The following HEATR3 variants were observed in gnomAD, a reference collection of about 807,000 sequenced individuals.
HEATR3 encodes HEAT repeat containing 3.
HEATR3 carries 56 observed loss-of-function variants against 72.8 expected under a neutral mutation model. That is an observed-to-expected ratio of 0.77 (90% confidence interval 0.62 to 0.96). The LOEUF (loss-of-function observed/expected upper bound fraction) is 0.96, where lower values mean the gene tolerates loss of function less well. HEATR3 is among the 40% of genes least tolerant of loss of function. The pLI is 0.00. For missense variants in HEATR3, 747 were observed against 831.4 expected (o/e 0.90, Z 1.25); for synonymous variants, 331 against 318.1 (o/e 1.04, Z -0.43).
chr16:50,088,507 C>T (rs1040629640), intron 11 of HEATR3, among the ~76,000 whole-genome samples: 1 of 152,186 alleles, frequency 6.6e-6, no homozygotes, highest in Non-Finnish European at 1.5e-5. Context: ...ATTCCCATTC[C>T]AGGGCAGGAC....
At chr16:50,077,231 C>T (rs997955009) in intron 6 of HEATR3, among the ~76,000 whole-genome samples, 2 of 151,544 alleles carry the variant, frequency 1.3e-5, no homozygotes, top group South Asian at 2.1e-4. Context: ...AGGCTGGTCT[C>T]GAACTCCTGA....
chr16:50,089,773 A>G (rs2037067997), intron 11 of HEATR3, among the ~76,000 whole-genome samples: 1 of 152,080 alleles, frequency 6.6e-6, no homozygotes, highest in Admixed American at 6.6e-5. Flanking sequence ...AGTTCAAGCA[A>G]TTCTCCTGTC....
At chr16:50,080,831 TC>T (rs1480861257) in intron 7 of HEATR3, among the ~76,000 whole-genome samples, 1 of 152,154 alleles carries the variant, frequency 6.6e-6, no homozygotes, top group East Asian at 1.9e-4. Context: ...GGGGTCATTT[TC>T]AGCTGTGGGC....
At chr16:50,073,617 C>T (rs536049320) in intron 5 of HEATR3, 4 of 152,184 alleles carry the variant, frequency 2.6e-5, no homozygotes, top group Admixed American at 6.5e-5. Context: ...ATTTTAAAAA[C>T]GATTCAGCCA....
intron 3 of HEATR3, 54 bp downstream of exon 3, chr16:50,068,921 T>A: frequency 7.8e-7 from 1 of 1,286,944 alleles, no homozygotes; most frequent in Non-Finnish European, 1.1e-6. Context: ...AAACTTAGAC[T>A]TTTTTTAGTA....
rs537573031 is a variant in HEATR3 at position 50,081,489 on chromosome 16, G to A, written c.1042-2448G>A. 1.3e-4 allele frequency among the ~76,000 whole-genome samples: 20 copies of A among 152,170 alleles called. 2 individuals carry two copies. In the East Asian group the frequency reaches 3.7e-3, roughly 28 times the overall value. On this transcript the variant is annotated intron_variant, in intron 7 of 14. Coordinates refer to ENST00000299192, the MANE Select transcript of HEATR3 (RefSeq NM_182922.4). ...CAAATAGAAATAAAGTCTTCCTTAA[G>A]ATTGTAGTGGTGGGCGGTGGTGGGG...
intron 10 of HEATR3, 93 bp from the exon 11 acceptor site, chr16:50,086,122 A>G: frequency 8.7e-7 from 1 of 1,156,058 alleles, no homozygotes; most frequent in Admixed American, 2.8e-5. Flanking sequence ...AGATATTTCC[A>G]GTCAGAACGT....
chr16:50,091,493 T>A (rs1451731654), intron 11 of HEATR3, among the ~76,000 whole-genome samples: 1 of 151,590 alleles, frequency 6.6e-6, no homozygotes, highest in Non-Finnish European at 1.5e-5. Flanking sequence ...TAAAAAAATT[T>A]TAAATCAGTC....
At chr16:50,075,946 A>G (rs569759148) in intron 6 of HEATR3, among the ~76,000 whole-genome samples, 7 of 152,266 alleles carry the variant, frequency 4.6e-5, no homozygotes, top group African/African-American at 1.7e-4. Context: ...TGATAAAGAG[A>G]TGCTGTTGTC....
At chr16:50,079,571 G>C (rs546689669) in intron 7 of HEATR3, among the ~76,000 whole-genome samples, 1 of 152,092 alleles carries the variant, frequency 6.6e-6, no homozygotes, top group Admixed American at 6.6e-5. Flanking sequence ...GCAGTAAAGG[G>C]GAACAATCTT....
intron 11 of HEATR3, among the ~76,000 whole-genome samples, chr16:50,092,197 G>A (rs1032901730): frequency 6.6e-6 from 1 of 151,694 alleles, no homozygotes; most frequent in Non-Finnish European, 1.5e-5. Flanking sequence ...TTAGCTGGAC[G>A]TGGTGGCACG....
chr16:50,075,982 G>A (rs1023024841), intron 6 of HEATR3, among the ~76,000 whole-genome samples: 2 of 151,154 alleles, frequency 1.3e-5, no homozygotes, highest in Admixed American at 1.3e-4. Context: ...TTATGAACCA[G>A]TGATTTCAGA....
At chr16:50,080,253 T>C (rs1412266052) in intron 7 of HEATR3, 1 of 152,138 alleles carries the variant, frequency 6.6e-6, no homozygotes, top group Non-Finnish European at 1.5e-5. Context: ...TCCCCTCATA[T>C]GAGCAAACTG....
At chr16:50,097,150 A>G (rs191626620) in intron 12 of HEATR3, among the ~76,000 whole-genome samples, 2 of 152,216 alleles carry the variant, frequency 1.3e-5, no homozygotes, top group African/African-American at 2.4e-5. Flanking sequence ...AGTGCTTTAT[A>G]TATTTCCTAT....
Position 50,097,156 on chromosome 16 carries a change from C to T in HEATR3, c.1599+2363C>T, listed in dbSNP as rs376203446. Among the ~76,000 whole-genome samples, 15 of 151,960 alleles carry T rather than the reference C, an allele frequency of 9.9e-5. No individual in the cohort carries two copies. The East Asian group carries it at 2.9e-3, about 29-fold the overall frequency. ...ATAATTTATAGTGCTTTATATATTT[C>T]CTATATTTATATCACAAATCATATG... On this transcript the variant is annotated intron_variant, in intron 12 of 14. Coordinates refer to ENST00000299192, the MANE Select transcript of HEATR3 (RefSeq NM_182922.4).
At chr16:50,099,414 G>A (rs1395742244) in intron 12 of HEATR3, among the ~76,000 whole-genome samples, 3 of 152,108 alleles carry the variant, frequency 2.0e-5, no homozygotes, top group African/African-American at 4.8e-5. Flanking sequence ...AGAACAGCCT[G>A]GGCAACTTTG....
Position 50,103,604 on chromosome 16 carries a change from A to G in HEATR3, c.1920+1169A>G, listed in dbSNP as rs80241352. Reference sequence around the variant, plus strand: ...CAACTCCTGACCTACTGAGTCATAGACTCTGTGGATGGGCCCACCAGTCTA... The same window carrying G: ...CAACTCCTGACCTACTGAGTCATAGGCTCTGTGGATGGGCCCACCAGTCTA... On this transcript the variant is annotated intron_variant, in intron 14 of 14. Transcript: ENST00000299192. 3.6e-4 allele frequency among the ~76,000 whole-genome samples: 55 copies of G among 152,156 alleles called. No individual in the cohort carries two copies. In the East Asian group the frequency reaches 7.7e-3, roughly 21 times the overall value.
chr16:50,093,862 C>A (rs2037174103), intron 11 of HEATR3, among the ~76,000 whole-genome samples: 1 of 152,160 alleles, frequency 6.6e-6, no homozygotes. Flanking sequence ...AGTCATACTG[C>A]CTTTTGTGAC....
intron 11 of HEATR3, among the ~76,000 whole-genome samples, chr16:50,093,128 T>C (rs191763922): frequency 1.1e-4 from 17 of 152,072 alleles, no homozygotes; most frequent in Admixed American, 1.0e-3. Flanking sequence ...TATCTGAAAA[T>C]GAAAGAGCCA....
Sources: gnomAD v4.1 joint callset for allele counts (sites outside exome capture counted in the v4.1 genomes callset) on GRCh38, gnomAD v4.1.1 for gene constraint, MANE v1.5 for transcripts, NCBI Gene and HGNC (gene_info 2026-07-23, HGNC 2026-07-21) for gene names.